Variants in EIF2AK3 observed in about 807,000 individuals in gnomAD.
EIF2AK3 encodes the protein eukaryotic translation initiation factor 2-alpha kinase 3.
Under a neutral mutation model 113.5 loss-of-function variants are expected in EIF2AK3, and 50 were observed. That is an observed-to-expected ratio of 0.44 (90% confidence interval 0.35 to 0.56). EIF2AK3 has a LOEUF of 0.56. Among genes scored for constraint, EIF2AK3 ranks in the 20% least tolerant of loss-of-function variants. The pLI, the probability that EIF2AK3 is intolerant of heterozygous loss-of-function variation, is 0.00. For synonymous variants in EIF2AK3, 448 were observed against 495.4 expected (o/e 0.90, Z 1.27); for missense variants, 1,185 against 1,378.0 (o/e 0.86, Z 2.22).
Position 88,593,901 on chromosome 2 carries a change from C to T in EIF2AK3, c.634-496G>A, listed in dbSNP as rs1409565473. Reference sequence around the variant, plus strand: ...AATATGATCCAAACTAAAATCCTCACGAAAAGCATACCTTCTACAATACCA... The same window carrying T: ...AATATGATCCAAACTAAAATCCTCATGAAAAGCATACCTTCTACAATACCA... On this transcript the variant is annotated intron_variant, in intron 3 of 16. Coordinates refer to ENST00000303236, the MANE Select transcript of EIF2AK3 (RefSeq NM_004836.7). 16 of 995,484 alleles carry T rather than the reference C, an allele frequency of 1.6e-5. No individual in the cohort carries two copies. The South Asian group carries it at 1.8e-4, about 11-fold the overall frequency. The allele number at this position is 995,484 out of a possible 1,614,324, so 61.7% of individuals were successfully genotyped here.
chr2:88,589,589 T>TAA (rs1674830510), intron 6 of EIF2AK3, among the ~76,000 whole-genome samples: 1 of 151,236 alleles, frequency 6.6e-6, no homozygotes, highest in African/African-American at 2.4e-5. Flanking sequence ...TACAGAAAAT[T>TAA]ATAGACTTTG....
In EIF2AK3 at chr2:88,627,229, GCA is replaced by G; in HGVS notation, c.44_45del (p.Leu15ProfsTer61). 3 of 1,478,472 alleles carry G rather than the reference GCA, an allele frequency of 2.0e-6. No individual in the cohort carries two copies. The highest frequency in any genetic ancestry group is 8.9e-7 in the Non-Finnish European group (1 of 1,121,024). The allele number at this position is 1,478,472 out of a possible 1,614,324, so 91.6% of individuals were successfully genotyped here. A position where few individuals can be genotyped will look rare whatever the true frequency, so the allele number is the denominator to read the frequency against. ...GCGAGCCCCAGCAGCAGCAGCAGCA[GCA>G]GCAGCGCCCGTACCAGCAGCCCCGG... ...ISPGLLVRAL[L>X]LLLLLLGLAA... is the part of the protein sequence containing the mutation. On this transcript the variant is annotated frameshift_variant, in exon 1 of 17. Transcript: ENST00000303236. LOFTEE classifies it high-confidence loss of function.
At chr2:88,604,504 G>A (rs1308522498) in intron 2 of EIF2AK3, among the ~76,000 whole-genome samples, 1 of 152,026 alleles carries the variant, frequency 6.6e-6, no homozygotes, top group African/African-American at 2.4e-5. Flanking sequence ...GTCTTTCTTT[G>A]TGCTCTATCC....
chr2:88,606,116 C>CT lies in EIF2AK3; in HGVS notation c.438+7607dup, dbSNP rs531076441. On this transcript the variant is annotated intron_variant, in intron 2 of 16. Coordinates refer to ENST00000303236, the MANE Select transcript of EIF2AK3 (RefSeq NM_004836.7). ...TCAAGTTGATAACAATTGTTTAATT[C>CT]TTTTTTTCACTAATTTAATCAACCT... 6.2e-3 allele frequency among the ~76,000 whole-genome samples: 938 copies of CT among 152,198 alleles called. 16 individuals are homozygous for CT. The highest frequency in any genetic ancestry group is 0.021 in the African/African-American group (883 of 41,514).
intron 1 of EIF2AK3, among the ~76,000 whole-genome samples, chr2:88,618,047 G>T (rs908616095): frequency 6.6e-6 from 1 of 152,148 alleles, no homozygotes; most frequent in Non-Finnish European, 1.5e-5. Flanking sequence ...GCCGGGTATG[G>T]TGGCAGATGC....
At chr2:88,559,030 G>T (rs1199159215) in intron 15 of EIF2AK3, 51 bp from the exon 16 acceptor site, 4 of 1,304,784 alleles carry the variant, frequency 3.1e-6, no homozygotes, top group Admixed American at 1.8e-5. Flanking sequence ...CATACAACAT[G>T]AAAATATTTT....
chr2:88,579,902 T>C, intron 10 of EIF2AK3: 1 of 389,754 alleles, frequency 2.6e-6, no homozygotes, highest in South Asian at 2.3e-5. Flanking sequence ...TCACTTTTTC[T>C]TACAACTGCT....
chr2:88,579,824 C>T, intron 10 of EIF2AK3, 184 bp from the exon 11 acceptor site: 1 of 549,458 alleles, frequency 1.8e-6, no homozygotes, highest in Non-Finnish European at 3.2e-6. Context: ...GAAGCAAACA[C>T]ATTCTTATGT....
intron 12 of EIF2AK3, chr2:88,575,676 T>G: frequency 1.8e-6 from 1 of 547,192 alleles, no homozygotes; most frequent in Non-Finnish European, 3.3e-6. Flanking sequence ...CATGAAACAG[T>G]TACCTGGGAC....
At chr2:88,592,233 A>G (rs1415099066) in intron 4 of EIF2AK3, among the ~76,000 whole-genome samples, 1 of 152,244 alleles carries the variant, frequency 6.6e-6, no homozygotes, top group East Asian at 1.9e-4. Context: ...TAAAAATTAC[A>G]TAAGGGGTTC....
intron 2 of EIF2AK3, among the ~76,000 whole-genome samples, chr2:88,602,344 T>C (rs1021242414): frequency 2.0e-4 from 30 of 152,198 alleles, no homozygotes; most frequent in African/African-American, 6.7e-4. Context: ...GACCAGTGTG[T>C]TCCCTAACCA....
chr2:88,576,700 T>A lies in EIF2AK3; in HGVS notation c.1890A>T (p.Glu630Asp). 2 of 1,614,032 alleles carry A rather than the reference T, an allele frequency of 1.2e-6. No individual in the cohort carries two copies. The highest frequency in any genetic ancestry group is 1.7e-6 in the Non-Finnish European group (2 of 1,179,972). Reference protein sequence around the residue: ...AIKRIRLPNRELAREKVMREV... With the variant: ...AIKRIRLPNRDLAREKVMREV... ...CTCGCATTACCTTTTCCCGAGCCAA[T>A]TCCCTGAAAGAGAGAAAATATTTAA... Residue 630 changes from glutamate (E) to aspartate (D), a missense_variant, in exon 12 of 17, where the codon GAA becomes GAT. Physicochemically the swap from Glu to Asp is conservative, Grantham distance 45. Around this residue, in one of 3 missense-constraint regions of EIF2AK3, gnomAD observed 877 missense variants for 1,024.2 expected, o/e 0.86. Transcript: ENST00000303236.
chr2:88,570,548 C>G (rs1259730182), intron 14 of EIF2AK3, among the ~76,000 whole-genome samples: 1 of 152,206 alleles, frequency 6.6e-6, no homozygotes, highest in African/African-American at 2.4e-5. Flanking sequence ...GAAAACAGTT[C>G]CAACACAGTC....
At chr2:88,559,131 T>C in intron 15 of EIF2AK3, 152 bp from the exon 16 acceptor site, 4 of 583,476 alleles carry the variant, frequency 6.9e-6, no homozygotes, top group Non-Finnish European at 1.2e-5. Context: ...CTACATATGT[T>C]TCCTGAGCAC....
At chr2:88,569,534 TG>T (rs1303754979) in intron 14 of EIF2AK3, among the ~76,000 whole-genome samples, 1 of 152,198 alleles carries the variant, frequency 6.6e-6, no homozygotes, top group Non-Finnish European at 1.5e-5. Context: ...AAGCCTTTTC[TG>T]GTGAGATTGG....
intron 7 of EIF2AK3, among the ~76,000 whole-genome samples, chr2:88,588,391 T>C (rs1408066531): frequency 6.6e-6 from 1 of 152,210 alleles, no homozygotes; most frequent in Non-Finnish European, 1.5e-5. Flanking sequence ...CAGTATTTGA[T>C]TTCTATTCGT....
chr2:88,627,233 CA>C lies in EIF2AK3; in HGVS notation c.41del (p.Leu14ArgfsTer57), dbSNP rs398102315. Reference sequence around the variant, plus strand: ...GCCCCAGCAGCAGCAGCAGCAGCAGCAGCGCCCGTACCAGCAGCCCCGGGCT... The same window carrying C: ...GCCCCAGCAGCAGCAGCAGCAGCAGCGCGCCCGTACCAGCAGCCCCGGGCT... ...AISPGLLVRA[L>X]LLLLLLLGLA... On this transcript the variant is annotated frameshift_variant, in exon 1 of 17. Transcript: ENST00000303236. LOFTEE classifies it high-confidence loss of function. 2 of 1,480,134 alleles carry C rather than the reference CA, an allele frequency of 1.4e-6. No homozygotes were observed. Among genetic ancestry groups the C allele is most frequent in the Non-Finnish European group, 1.8e-6 (2 of 1,121,846 alleles). 91.7% of individuals were successfully genotyped at this position (1,480,134 alleles called of 1,614,324 possible).
chr2:88,571,137 A>T lies in EIF2AK3; in HGVS notation c.2818-96T>A, dbSNP rs1573389927. ...AAAGACTACAAAGAAAAAATACAAC[A>T]AACTAGATATTTTCAAGCATATTTC... On this transcript the variant is annotated intron_variant, in intron 13 of 16. Coordinates refer to ENST00000303236, the MANE Select transcript of EIF2AK3 (RefSeq NM_004836.7). 3.6e-6 allele frequency: 5 copies of T among 1,378,500 alleles called. No individual in the cohort carries two copies. In the East Asian group the frequency reaches 1.2e-4, roughly 32 times the overall value. The allele number at this position is 1,378,500 out of a possible 1,614,324, so 85.4% of individuals were successfully genotyped here. A position where few individuals can be genotyped will look rare whatever the true frequency, so the allele number is the denominator to read the frequency against.
intron 12 of EIF2AK3, 33 bp from the exon 13 acceptor site, chr2:88,575,479 T>A: frequency 1.9e-6 from 3 of 1,598,642 alleles, no homozygotes; most frequent in Non-Finnish European, 2.5e-6. Context: ...GGGGTAAGAG[T>A]GAATATATAT....
Sources: gnomAD v4.1 joint callset for allele counts (sites outside exome capture counted in the v4.1 genomes callset) on GRCh38, gnomAD v4.1.1 for gene constraint, gnomAD v4.1.1 regional missense constraint, MANE v1.5 for transcripts, NCBI Gene and HGNC (gene_info 2026-07-23, HGNC 2026-07-21) for gene names.